TAMM41: variants seen among roughly 807,000 people sequenced by gnomAD.
TAMM41 encodes phosphatidate cytidylyltransferase, mitochondrial.
A neutral mutation model predicts 44.1 loss-of-function variants in TAMM41; 36 were observed. That is an observed-to-expected ratio of 0.82 (90% confidence interval 0.63 to 1.08). The LOEUF is 1.08. TAMM41 is among the 50% of genes least tolerant of loss of function. The probability of loss-of-function intolerance (pLI) is 0.00; values close to 1 mark genes in which losing one functional copy is unlikely to be tolerated. For missense variants in TAMM41, 417 were observed against 404.3 expected, an observed-to-expected ratio of 1.03 and a Z score of -0.27; for synonymous variants, 164 against 153.1, an observed-to-expected ratio of 1.07 and a Z score of -0.53.
the TAMM41 span, among the ~76,000 whole-genome samples, chr3:11,725,673 C>G: frequency 1.3e-5 from 2 of 152,106 alleles, no homozygotes; most frequent in African/African-American, 2.4e-5. Flanking sequence ...CTCCTGGGCT[C>G]AAGCAATCAT....
chr3:11,811,370 A>G (rs867134248), intron 5 of TAMM41: 1 of 152,234 alleles, frequency 6.6e-6, no homozygotes, highest in African/African-American at 2.4e-5. Flanking sequence ...GGGATTAGTT[A>G]GAATAAACTT....
chr3:11,770,080 G>A, the TAMM41 span, among the ~76,000 whole-genome samples: 1 of 152,226 alleles, frequency 6.6e-6, no homozygotes, highest in East Asian at 1.9e-4. Context: ...AGGTAAAGAA[G>A]AATTGGTTCA....
At chr3:11,725,635 T>G in the TAMM41 span, among the ~76,000 whole-genome samples, 1 of 152,162 alleles carries the variant, frequency 6.6e-6, no homozygotes, top group African/African-American at 2.4e-5. Flanking sequence ...CGATGGGGTT[T>G]CAGTGAGTTG....
chr3:11,742,553 G>T, the TAMM41 span, among the ~76,000 whole-genome samples: 1 of 148,380 alleles, frequency 6.7e-6, no homozygotes, highest in East Asian at 1.9e-4. Flanking sequence ...ATGAACATTT[G>T]TGTATAAGCT....
chr3:11,758,486 G>A, the TAMM41 span, among the ~76,000 whole-genome samples: 1 of 151,890 alleles, frequency 6.6e-6, no homozygotes, highest in South Asian at 2.1e-4. Context: ...TGAGTAGCTG[G>A]GATTACATGC....
chr3:11,832,351 G>A (rs760004194), intron 3 of TAMM41, among the ~76,000 whole-genome samples: 2 of 151,832 alleles, frequency 1.3e-5, no homozygotes, highest in Admixed American at 6.6e-5. Flanking sequence ...CAATTACTAC[G>A]TTGAAGGCAG....
the TAMM41 span, among the ~76,000 whole-genome samples, chr3:11,771,827 C>T: frequency 6.6e-6 from 1 of 152,186 alleles, no homozygotes; most frequent in South Asian, 2.1e-4. Flanking sequence ...AGGTGATCGA[C>T]CCACCTCGGC....
chr3:11,758,513 A>C, the TAMM41 span, among the ~76,000 whole-genome samples: 1 of 149,074 alleles, frequency 6.7e-6, no homozygotes, highest in Non-Finnish European at 1.5e-5. Flanking sequence ...CACCATGCCC[A>C]GCTAATTTTT....
chr3:11,781,698 A>G, the TAMM41 span, among the ~76,000 whole-genome samples: 13 of 151,322 alleles, frequency 8.6e-5, no homozygotes, highest in African/African-American at 3.2e-4. Flanking sequence ...TCATACCACT[A>G]CACTCCAGCC....
At position 11,846,529 on chromosome 3, in the gene TAMM41, G is replaced by A; in HGVS notation, c.108C>T (p.Arg36=). 6.2e-7 allele frequency: 1 copy of A among 1,614,224 alleles called. No homozygotes were observed. Among genetic ancestry groups the A allele is most frequent in the South Asian group, 1.1e-5 (1 of 91,092 alleles). ...TCTGGTCTGAACTCGGCCCTGCCTG[G>A]CGGTACACCCCGGAGCCGTAGACGA... is the stretch of plus-strand genomic sequence containing the variant. The part of the protein sequence containing the change: ...LAFVYGSGVY[R]QAGPSSDQKN... The change falls in exon 1 of 8, where the codon CGC becomes CGT. Residue 36 remains arginine (R), a synonymous_variant. Transcript: ENST00000455809.
chr3:11,789,667 A>G (rs979191686), downstream of TAMM41, among the ~76,000 whole-genome samples: 5 of 152,162 alleles, frequency 3.3e-5, no homozygotes, highest in East Asian at 9.6e-4. Flanking sequence ...CCCAATCAGC[A>G]TCCGTGAAAC....
intron 1 of TAMM41, 56 bp downstream of exon 1, chr3:11,846,446 C>T: frequency 6.2e-7 from 1 of 1,606,800 alleles, no homozygotes; most frequent in East Asian, 2.2e-5. Flanking sequence ...GAATCGAGGG[C>T]AAAACGGGAC....
the TAMM41 span, chr3:11,724,976 A>G: frequency 6.6e-6 from 1 of 152,282 alleles, no homozygotes; most frequent in Non-Finnish European, 1.5e-5. Context: ...TTTTGCCCCC[A>G]TAGGTAACTG....
the TAMM41 span, among the ~76,000 whole-genome samples, chr3:11,767,625 C>CCTTTTTTTTTTTTTT: frequency 3.6e-5 from 1 of 27,910 alleles, no homozygotes; most frequent in African/African-American, 2.7e-4. Flanking sequence ...ACACGTTGTG[C>CCTTTTTTTTTTTTTT]ATTTTTTTTT....
rs766345891 is a variant in TAMM41, at chr3:11,846,598, G to A, written c.39C>T (p.Phe13=). The A allele has an allele frequency of 6.2e-7, 1 of 1,614,248 alleles. No homozygotes were observed. The highest frequency in any genetic ancestry group is 8.5e-7 in the Non-Finnish European group (1 of 1,180,036). ...LQTLQSSWVT[F]RKILSHFPEE... Reference sequence around the variant, plus strand: ...CGGGGAAGTGAGACAGGATCTTGCGGAAGGTCACCCACGAGCTCTGCAGCG... The same window carrying A: ...CGGGGAAGTGAGACAGGATCTTGCGAAAGGTCACCCACGAGCTCTGCAGCG... The change falls in exon 1 of 8, where the codon TTC becomes TTT. Residue 13 remains phenylalanine, a synonymous_variant. Transcript: ENST00000455809.
chr3:11,768,295 C>A, the TAMM41 span, among the ~76,000 whole-genome samples: 1 of 151,966 alleles, frequency 6.6e-6, no homozygotes, highest in African/African-American at 2.4e-5. Flanking sequence ...TGCCAGCATA[C>A]TAGGCTAATT....
At chr3:11,837,990 A>G (rs1304539834) in intron 3 of TAMM41, among the ~76,000 whole-genome samples, 1 of 152,184 alleles carries the variant, frequency 6.6e-6, no homozygotes, top group African/African-American at 2.4e-5. Context: ...ACACCAACTG[A>G]GTGTCCTACA....
At chr3:11,845,963 CT>C (rs1287465748) in intron 1 of TAMM41, among the ~76,000 whole-genome samples, 1 of 152,248 alleles carries the variant, frequency 6.6e-6, no homozygotes, top group Non-Finnish European at 1.5e-5. Context: ...TGCCCTGGCC[CT>C]ACAACCAGTC....
At chr3:11,758,823 A>ACCCCGGTGGGATTAG in the TAMM41 span, among the ~76,000 whole-genome samples, 2 of 152,022 alleles carry the variant, frequency 1.3e-5, no homozygotes, top group East Asian at 3.9e-4. Flanking sequence ...ACAGCCATGC[A>ACCCCGGTGGGATTAG]CCACCACGCC....
Sources: gnomAD v4.1 joint callset for allele counts (sites outside exome capture counted in the v4.1 genomes callset) on GRCh38, gnomAD v4.1.1 for gene constraint, MANE v1.5 for transcripts, NCBI Gene and HGNC (gene_info 2026-07-23, HGNC 2026-07-21) for gene names.